NXPE2: variants seen among roughly 807,000 people sequenced by gnomAD.
NXPE2 encodes neurexophilin and PC-esterase domain family member 2.
Under a neutral mutation model 34.4 loss-of-function variants are expected in NXPE2, and 34 were observed. That is an observed-to-expected ratio of 0.99 (90% CI 0.75 to 1.31). The LOEUF (loss-of-function observed/expected upper bound fraction) is 1.31, where lower values mean the gene tolerates loss of function less well. Among genes scored for constraint, NXPE2 ranks in the 40% most tolerant of loss-of-function variants. The pLI is 0.00. For missense variants in NXPE2, 649 were observed against 672.5 expected (o/e 0.97, Z 0.39); for synonymous variants, 235 against 231.3 (o/e 1.02, Z -0.15).
the NXPE2 span, among the ~76,000 whole-genome samples, chr11:114,585,175 A>T: frequency 6.6e-6 from 1 of 151,674 alleles, no homozygotes; most frequent in South Asian, 2.1e-4. Context: ...ACTGCCTGCC[A>T]TCTGTCTTCC....
At chr11:114,484,191 A>G in the NXPE2 span, among the ~76,000 whole-genome samples, 5 of 152,086 alleles carry the variant, frequency 3.3e-5, no homozygotes, top group African/African-American at 1.2e-4. Flanking sequence ...TGTATTGTTC[A>G]ACTCTGCCGT....
chr11:114,471,669 C>A, the NXPE2 span, among the ~76,000 whole-genome samples: 1 of 152,166 alleles, frequency 6.6e-6, no homozygotes, highest in African/African-American at 2.4e-5. Context: ...GGCAGCAGAA[C>A]AGCTGCTGCC....
chr11:114,610,071 G>T, the NXPE2 span, among the ~76,000 whole-genome samples: 1 of 151,780 alleles, frequency 6.6e-6, no homozygotes, highest in South Asian at 2.1e-4. Context: ...TTGCCTCATG[G>T]GTAACCACTG....
the NXPE2 span, among the ~76,000 whole-genome samples, chr11:114,607,674 G>A: frequency 6.6e-6 from 1 of 151,146 alleles, no homozygotes; most frequent in Admixed American, 6.6e-5. Flanking sequence ...GATAATAAGT[G>A]TTGAGTTGCG....
the NXPE2 span, among the ~76,000 whole-genome samples, chr11:114,485,383 CTTTTTTT>C: frequency 7.8e-5 from 7 of 89,220 alleles, no homozygotes; most frequent in African/African-American, 1.9e-4. Context: ...TAATTTTTGT[CTTTTTTT>C]TTTTTTTTTT....
the NXPE2 span, among the ~76,000 whole-genome samples, chr11:114,591,959 C>T: frequency 1.3e-5 from 2 of 152,158 alleles, no homozygotes; most frequent in Admixed American, 6.5e-5. Context: ...AGAAAAGACA[C>T]TTGATAACAT....
the NXPE2 span, among the ~76,000 whole-genome samples, chr11:114,517,227 G>A: frequency 1.8e-4 from 27 of 152,112 alleles, no homozygotes; most frequent in Non-Finnish European, 3.7e-4. Context: ...TGAAGACAAG[G>A]CAATTAGTGG....
chr11:114,793,712 T>C, the NXPE2 span, among the ~76,000 whole-genome samples: 1 of 152,158 alleles, frequency 6.6e-6, no homozygotes, highest in Non-Finnish European at 1.5e-5. Flanking sequence ...AAAGGCCAGA[T>C]GGTGATGAGC....
At chr11:114,650,406 G>C in the NXPE2 span, among the ~76,000 whole-genome samples, 4 of 152,218 alleles carry the variant, frequency 2.6e-5, no homozygotes, top group Non-Finnish European at 5.9e-5. Flanking sequence ...CTATTTATGA[G>C]AAAGACTCAG....
At chr11:114,636,921 G>A in the NXPE2 span, among the ~76,000 whole-genome samples, 1 of 152,070 alleles carries the variant, frequency 6.6e-6, no homozygotes, top group African/African-American at 2.4e-5. Context: ...GTGTGTTGCT[G>A]AAAAAAATGT....
At chr11:114,580,042 A>G in the NXPE2 span, 4 of 1,129,768 alleles carry the variant, frequency 3.5e-6, no homozygotes, top group Non-Finnish European at 5.3e-6. Flanking sequence ...ATATGAAAAA[A>G]AGAGGAATTT....
At chr11:114,644,914 A>T in the NXPE2 span, among the ~76,000 whole-genome samples, 6 of 152,146 alleles carry the variant, frequency 3.9e-5, no homozygotes, top group Admixed American at 3.9e-4. Flanking sequence ...CGCAGAACTC[A>T]ATCTATTAAT....
At chr11:114,597,437 A>G in the NXPE2 span, among the ~76,000 whole-genome samples, 1 of 152,236 alleles carries the variant, frequency 6.6e-6, no homozygotes, top group Non-Finnish European at 1.5e-5. Context: ...TGTAATGGGT[A>G]TATTAAAATT....
chr11:114,639,915 ATAT>A, the NXPE2 span, among the ~76,000 whole-genome samples: 46 of 113,984 alleles, frequency 4.0e-4, no homozygotes, highest in South Asian at 1.8e-3. Flanking sequence ...ATAAAATATA[ATAT>A]TATATTATAT....
At chr11:114,467,525 C>T in the NXPE2 span, among the ~76,000 whole-genome samples, 289 of 152,174 alleles carry the variant, frequency 1.9e-3, no homozygotes, top group African/African-American at 6.8e-3. Context: ...CTAAATGAGC[C>T]CTGGAAATAG....
At chr11:114,650,420 A>G in the NXPE2 span, among the ~76,000 whole-genome samples, 32 of 152,340 alleles carry the variant, frequency 2.1e-4, no homozygotes, top group African/African-American at 7.2e-4. Flanking sequence ...GACTCAGAGA[A>G]GACCAGGAGA....
chr11:114,518,027 AG>A, the NXPE2 span: 2 of 152,592 alleles, frequency 1.3e-5, no homozygotes, highest in South Asian at 2.1e-4. Context: ...GCTTCCTGTG[AG>A]GTTGGAGCAG....
At chr11:114,635,089 C>A in the NXPE2 span, among the ~76,000 whole-genome samples, 1 of 151,684 alleles carries the variant, frequency 6.6e-6, no homozygotes. Context: ...ATTCTTCCTA[C>A]CCATGAGCAT....
the NXPE2 span, among the ~76,000 whole-genome samples, chr11:114,614,972 C>T: frequency 1.3e-5 from 2 of 149,858 alleles, no homozygotes; most frequent in South Asian, 4.3e-4. Flanking sequence ...ATAAGTATTG[C>T]CTCGTGAGTA....
Sources: allele counts gnomAD v4.1 joint callset (sites outside exome capture counted in the v4.1 genomes callset), GRCh38; gene constraint gnomAD v4.1.1; transcripts MANE v1.5; gene names NCBI Gene and HGNC (gene_info 2026-07-23, HGNC 2026-07-21).